Variants in VTI1A observed in about 807,000 individuals in gnomAD.
VTI1A encodes the protein vesicle transport through interaction with t-SNAREs homolog 1A.
Under a neutral mutation model 34.9 loss-of-function variants are expected in VTI1A, and 22 were observed. That is an observed-to-expected ratio of 0.63 (90% CI 0.45 to 0.90). VTI1A has a LOEUF of 0.90. Ranked by LOEUF, VTI1A falls within the 40% of genes least tolerant of loss-of-function variation. The pLI is 0.00. For missense variants in VTI1A, 268 were observed against 275.6 expected, an observed-to-expected ratio of 0.97 and a Z score of 0.20; for synonymous variants, 87 against 97.3, an observed-to-expected ratio of 0.89 and a Z score of 0.62.
chr10:112,843,873 C>A, the VTI1A span, among the ~76,000 whole-genome samples: 26 of 152,196 alleles, frequency 1.7e-4, no homozygotes, highest in African/African-American at 6.3e-4. Flanking sequence ...CTTAGAGAAG[C>A]CTTCCCCCAC....
intron 7 of VTI1A, among the ~76,000 whole-genome samples, chr10:112,780,801 C>A (rs1363013691): frequency 6.6e-6 from 1 of 152,026 alleles, no homozygotes; most frequent in Non-Finnish European, 1.5e-5. Context: ...CAGCTCGCCT[C>A]CCTCCCATCA....
intron 3 of VTI1A, among the ~76,000 whole-genome samples, chr10:112,501,201 C>T (rs1199698647): frequency 6.6e-6 from 1 of 152,104 alleles, no homozygotes; most frequent in African/African-American, 2.4e-5. Context: ...GAATATAGAA[C>T]CCTATATCTG....
chr10:112,767,739 A>G lies in VTI1A; in HGVS notation c.561-47551A>G, dbSNP rs1474046955. Among the ~76,000 whole-genome samples the G allele has an allele frequency of 3.3e-5, 5 of 151,980 alleles. No homozygotes were observed. The highest frequency in any genetic ancestry group is 1.2e-4 in the African/African-American group (5 of 41,332). On this transcript the variant is annotated intron_variant, in intron 7 of 7. Coordinates refer to ENST00000393077, the MANE Select transcript of VTI1A (RefSeq NM_145206.4). The surrounding 1 kb of genome is among the most constrained non-coding windows in gnomAD (Gnocchi z 4.0). ...CAATTTTCTTGGTTGCGATGAAAAA[A>G]TAATAATTTTTAAAATTGTTTGAAG...
At chr10:112,464,027 C>T (rs1408467073) in intron 2 of VTI1A, among the ~76,000 whole-genome samples, 2 of 152,136 alleles carry the variant, frequency 1.3e-5, no homozygotes, top group Non-Finnish European at 1.5e-5. Context: ...TGGAGTCTTG[C>T]TCTCTCACCT....
intron 7 of VTI1A, among the ~76,000 whole-genome samples, chr10:112,735,690 G>T (rs754085779): frequency 2.0e-5 from 3 of 152,148 alleles, no homozygotes; most frequent in Non-Finnish European, 4.4e-5. Context: ...ACTAGAGGAG[G>T]TTTAATTGGT....
At chr10:112,620,667 G>C (rs920078637) in intron 5 of VTI1A, among the ~76,000 whole-genome samples, 1 of 151,964 alleles carries the variant, frequency 6.6e-6, no homozygotes, top group African/African-American at 2.4e-5. Context: ...GTGGGCGCCT[G>C]TAATCTCAGC....
chr10:112,644,570 AAAG>A (rs1252239296), intron 5 of VTI1A, among the ~76,000 whole-genome samples: 3 of 152,204 alleles, frequency 2.0e-5, no homozygotes, highest in Non-Finnish European at 4.4e-5. Context: ...TTGGTTTGAA[AAAG>A]AAGAGGAGAG....
At chr10:112,673,247 GA>G (rs1294386261) in intron 7 of VTI1A, among the ~76,000 whole-genome samples, 1 of 149,656 alleles carries the variant, frequency 6.7e-6, no homozygotes, top group East Asian at 2.0e-4. Flanking sequence ...CCTGGGAGGC[GA>G]AAGGTTGCAG....
At chr10:112,466,575 A>G (rs933529180) in intron 3 of VTI1A, among the ~76,000 whole-genome samples, 1 of 152,244 alleles carries the variant, frequency 6.6e-6, no homozygotes, top group African/African-American at 2.4e-5. Flanking sequence ...AATTGGATTA[A>G]GAACTTGACA....
intron 7 of VTI1A, among the ~76,000 whole-genome samples, chr10:112,799,031 GT>G (rs985075513): frequency 6.6e-6 from 1 of 152,210 alleles, no homozygotes; most frequent in Non-Finnish European, 1.5e-5. Flanking sequence ...GCACAGGCTG[GT>G]TTCTGGCTCC....
intron 7 of VTI1A, among the ~76,000 whole-genome samples, chr10:112,746,895 A>G (rs887643651): frequency 6.6e-6 from 1 of 152,248 alleles, no homozygotes; most frequent in East Asian, 1.9e-4. Context: ...TAATATTATC[A>G]TTCTTACAGT....
At chr10:112,686,624 C>A (rs1848425821) in intron 7 of VTI1A, among the ~76,000 whole-genome samples, 1 of 152,064 alleles carries the variant, frequency 6.6e-6, no homozygotes, top group African/African-American at 2.4e-5. Context: ...GTTTAAGTGT[C>A]CTTCTAAGTG....
chr10:112,768,284 T>C (rs1221130370), intron 7 of VTI1A, among the ~76,000 whole-genome samples: 1 of 152,206 alleles, frequency 6.6e-6, no homozygotes, highest in Non-Finnish European at 1.5e-5. Flanking sequence ...CCTGGAAATG[T>C]AATTACTGCT....
chr10:112,632,435 A>G (rs1846164590), intron 5 of VTI1A, among the ~76,000 whole-genome samples: 2 of 152,226 alleles, frequency 1.3e-5, no homozygotes, highest in African/African-American at 2.4e-5. Flanking sequence ...TACAGTAACA[A>G]ATTAACCTAG....
At chr10:112,619,802 T>G (rs1422009647) in intron 5 of VTI1A, among the ~76,000 whole-genome samples, 1 of 152,106 alleles carries the variant, frequency 6.6e-6, no homozygotes, top group Admixed American at 6.5e-5. Flanking sequence ...GTGGAACTGA[T>G]TTGCTTGCCA....
intron 5 of VTI1A, among the ~76,000 whole-genome samples, chr10:112,654,076 A>T (rs1028383389): frequency 3.3e-5 from 5 of 152,228 alleles, no homozygotes; most frequent in African/African-American, 1.2e-4. Context: ...CCGATGTCAT[A>T]GTGCTTGCTA....
At chr10:112,579,586 G>A (rs530262338) in intron 5 of VTI1A, among the ~76,000 whole-genome samples, 3 of 152,224 alleles carry the variant, frequency 2.0e-5, no homozygotes, top group African/African-American at 7.2e-5. Context: ...GCTGACTAAG[G>A]TTAGATTGAA....
chr10:112,740,418 TAG>T (rs1850654278), intron 7 of VTI1A, among the ~76,000 whole-genome samples: 1 of 152,146 alleles, frequency 6.6e-6, no homozygotes, highest in African/African-American at 2.4e-5. Flanking sequence ...GCCTCCTGAG[TAG>T]CTGGGACCAC....
chr10:112,703,505 G>A (rs1472599145), intron 7 of VTI1A, among the ~76,000 whole-genome samples: 2 of 152,028 alleles, frequency 1.3e-5, no homozygotes, highest in African/African-American at 4.8e-5. Context: ...GATGAAGGTT[G>A]CGGTGAGCCG....
Sources: gnomAD v4.1 joint callset for allele counts (sites outside exome capture counted in the v4.1 genomes callset) on GRCh38, gnomAD v4.1.1 for gene constraint, Gnocchi (gnomAD v3.1) non-coding constraint, MANE v1.5 for transcripts, NCBI Gene and HGNC (gene_info 2026-07-23, HGNC 2026-07-21) for gene names.